The following PAX2 variants were observed in gnomAD, a reference collection of about 807,000 sequenced individuals.
PAX2 encodes the protein paired box 2.
A neutral mutation model predicts 41.7 loss-of-function variants in PAX2; 9 were observed. The ratio of observed to expected loss-of-function variants is 0.22; its 90% CI spans 0.13 to 0.38. The LOEUF (loss-of-function observed/expected upper bound fraction) is 0.38. Among genes scored for constraint, PAX2 ranks in the 10% least tolerant of loss-of-function variants. The pLI is 1.00. For missense variants in PAX2, 418 were observed against 531.6 expected (o/e 0.79, Z 2.10); for synonymous variants, 221 against 212.7 (o/e 1.04, Z -0.34).
intron 7 of PAX2, among the ~76,000 whole-genome samples, chr10:100,811,848 T>C (rs1218476913): frequency 6.6e-6 from 1 of 152,320 alleles, no homozygotes; most frequent in African/African-American, 2.4e-5. Flanking sequence ...TCAGGCACCC[T>C]GCTCATCTTC....
chr10:100,748,893 C>T lies in PAX2; in HGVS notation c.44-853C>T. ...CTCGCCAGCGAGGCCTATGCCGTGC[C>T]ACCTGGGCGAGACGGTGGGCCCCAA... is the stretch of plus-strand genomic sequence containing the variant. On this transcript the variant is annotated intron_variant, in intron 1 of 9. Coordinates refer to ENST00000355243, the MANE Select transcript of PAX2 (RefSeq NM_000278.5). This position sits in a 1 kb window ranked among gnomAD's most constrained non-coding sequence, Gnocchi z 5.0. 1.0e-6 allele frequency: 1 copy of T among 985,412 alleles called. No homozygotes were observed. Among genetic ancestry groups the T allele is most frequent in the Non-Finnish European group, 1.2e-6 (1 of 829,922 alleles). The allele number at this position is 985,412 out of a possible 1,614,324, so 61.0% of individuals were successfully genotyped here.
upstream of PAX2, among the ~76,000 whole-genome samples, chr10:100,741,378 A>C (rs1404749776): frequency 2.1e-5 from 3 of 143,928 alleles, no homozygotes; most frequent in African/African-American, 7.7e-5. Flanking sequence ...ATTGCAGCCC[A>C]TGGTGCTCCA....
At chr10:100,811,068 A>G (rs1228100703) in intron 7 of PAX2, among the ~76,000 whole-genome samples, 1 of 152,138 alleles carries the variant, frequency 6.6e-6, no homozygotes, top group Non-Finnish European at 1.5e-5. Context: ...GCTGTTCACC[A>G]GTGGTAATGA....
intron 6 of PAX2, among the ~76,000 whole-genome samples, chr10:100,807,142 C>G (rs1274154934): frequency 6.6e-6 from 1 of 152,132 alleles, no homozygotes; most frequent in Non-Finnish European, 1.5e-5. Flanking sequence ...CACTTACACC[C>G]AACACTTTCT....
Position 100,827,514 on chromosome 10 carries a change from G to A in PAX2, c.1109-29G>A. Reference sequence around the variant, plus strand: ...GTTCTCCTGTTTGTCCTCTCACCCAGCCCATTCTTCTCCTGTGTTAACTTC... The same window carrying A: ...GTTCTCCTGTTTGTCCTCTCACCCAACCCATTCTTCTCCTGTGTTAACTTC... On this transcript the variant is annotated intron_variant, in intron 9 of 9. Transcript: ENST00000355243. The surrounding 1 kb of genome is among the most constrained non-coding windows in gnomAD (Gnocchi z 8.5). The A allele has an allele frequency of 1.2e-6, 2 of 1,609,572 alleles. No homozygotes were observed. The highest frequency in any genetic ancestry group is 8.5e-7 in the Non-Finnish European group (1 of 1,175,890).
rs549977696 is a variant in PAX2 at position 100,755,567 on chromosome 10, T to G, written c.410+4676T>G. ...CAGGTAACCTACTCAATTGCTTTTA[T>G]TATCGCTCAGGCTGCCTCCATTTAT... On this transcript the variant is annotated intron_variant, in intron 3 of 9. Transcript: ENST00000355243. 2.6e-5 allele frequency among the ~76,000 whole-genome samples: 4 copies of G among 152,322 alleles called. No homozygotes were observed. The South Asian group carries it at 8.3e-4, about 32-fold the overall frequency.
In PAX2 at chr10:100,748,183, G is replaced by A; in HGVS notation, c.44-1563G>A. ...CTGAGGGGCCGGGCCCTGAGCCCGG[G>A]GAGGCTGAATTATTCATCTTTAATC... On this transcript the variant is annotated intron_variant, in intron 1 of 9. Transcript: ENST00000355243. The surrounding 1 kb of genome is among the most constrained non-coding windows in gnomAD (Gnocchi z 5.0). The A allele has an allele frequency of 1.0e-6, 1 of 985,258 alleles. No homozygotes were observed. The highest frequency in any genetic ancestry group is 1.7e-5 in the African/African-American group (1 of 57,326). 61.0% of individuals were successfully genotyped at this position (985,258 alleles called of 1,614,324 possible).
intron 3 of PAX2, among the ~76,000 whole-genome samples, chr10:100,768,467 G>T (rs1846097161): frequency 6.6e-6 from 1 of 152,186 alleles, no homozygotes; most frequent in African/African-American, 2.4e-5. Context: ...CTAAAATTGT[G>T]ATTTGTTAGT....
chr10:100,827,789 C>T lies in PAX2; in HGVS notation c.*170C>T, dbSNP rs1448547478. ...CCGCAACCCTTCACATCACCCCCCT[C>T]GAAGGTCGGACAGGACGGGTGGAGC... On this transcript the variant is annotated 3_prime_UTR_variant, in exon 10 of 10. Coordinates refer to ENST00000355243, the MANE Select transcript of PAX2 (RefSeq NM_000278.5). This position sits in a 1 kb window ranked among gnomAD's most constrained non-coding sequence, Gnocchi z 8.5. The T allele has an allele frequency of 1.3e-5, 13 of 1,000,352 alleles. No individual in the cohort carries two copies. In the South Asian group the frequency reaches 1.7e-4, roughly 13 times the overall value. 62.0% of individuals were successfully genotyped at this position (1,000,352 alleles called of 1,614,324 possible).
chr10:100,782,313 A>G (rs2133900170), intron 5 of PAX2, among the ~76,000 whole-genome samples: 1 of 152,382 alleles, frequency 6.6e-6, no homozygotes, highest in East Asian at 1.9e-4. Flanking sequence ...AGCCCAGAAC[A>G]GTCCCAATTT....
chr10:100,781,936 C>T (rs1846645633), intron 5 of PAX2, among the ~76,000 whole-genome samples: 1 of 152,038 alleles, frequency 6.6e-6, no homozygotes, highest in South Asian at 2.1e-4. Context: ...CCTCAAGGTG[C>T]AGCCAGGCTG....
At chr10:100,738,003 A>G (rs914738057) in intron 1 of PAX2, among the ~76,000 whole-genome samples, 1 of 152,242 alleles carries the variant, frequency 6.6e-6, no homozygotes, top group East Asian at 1.9e-4. Flanking sequence ...ATCGCTGCCT[A>G]TACCCCCAGA....
intron 3 of PAX2, among the ~76,000 whole-genome samples, chr10:100,771,186 G>C (rs868237409): frequency 6.6e-6 from 1 of 152,212 alleles, no homozygotes; most frequent in African/African-American, 2.4e-5. Flanking sequence ...GAGTCAACAA[G>C]AGTTGACACA....
chr10:100,759,911 T>C (rs1449070286), intron 3 of PAX2, among the ~76,000 whole-genome samples: 1 of 152,118 alleles, frequency 6.6e-6, no homozygotes, highest in African/African-American at 2.4e-5. Context: ...GCCCAGCCCA[T>C]ACCTGGCAGG....
At chr10:100,825,070 C>A in intron 8 of PAX2, 2 of 1,039,414 alleles carry the variant, frequency 1.9e-6, no homozygotes, top group Non-Finnish European at 3.0e-6. Flanking sequence ...CAGTGCCCAG[C>A]CCACCCCAGC....
chr10:100,784,393 C>T (rs967062750), intron 5 of PAX2, among the ~76,000 whole-genome samples: 2 of 152,112 alleles, frequency 1.3e-5, no homozygotes, highest in East Asian at 1.9e-4. Context: ...GGGCTAGACC[C>T]TAGAGGGAAT....
chr10:100,784,891 C>A (rs1035390413), intron 5 of PAX2, among the ~76,000 whole-genome samples: 3 of 152,284 alleles, frequency 2.0e-5, no homozygotes, highest in Admixed American at 2.0e-4. Flanking sequence ...CTGACTTTCC[C>A]TTGAGAAATG....
In PAX2 at chr10:100,824,082, C is replaced by T. The variant is rs1848457764; in HGVS notation, c.920-566C>T. 6.6e-6 allele frequency among the ~76,000 whole-genome samples: 1 copy of T among 152,138 alleles called. No homozygotes were observed. Among genetic ancestry groups the T allele is most frequent in the South Asian group, 2.1e-4 (1 of 4,824 alleles). On this transcript the variant is annotated intron_variant, in intron 7 of 9. Transcript: ENST00000355243. The surrounding 1 kb of genome is among the most constrained non-coding windows in gnomAD (Gnocchi z 6.6). ...AGCCCACTGGCTGCCCCCCTGCTCT[C>T]CACACCTGCCAGGACCAGGACCTGC... is the stretch of plus-strand genomic sequence containing the variant.
chr10:100,807,960 G>T (rs1340322345), intron 6 of PAX2, among the ~76,000 whole-genome samples: 1 of 152,196 alleles, frequency 6.6e-6, no homozygotes, highest in Non-Finnish European at 1.5e-5. Context: ...TTTTTAAGGT[G>T]CCCTGAGCCA....
Sources: allele counts gnomAD v4.1 joint callset (sites outside exome capture counted in the v4.1 genomes callset), GRCh38; gene constraint gnomAD v4.1.1; non-coding constraint Gnocchi (gnomAD v3.1); transcripts MANE v1.5; gene names NCBI Gene and HGNC (gene_info 2026-07-23, HGNC 2026-07-21).